PLEKHA8: variants seen among roughly 807,000 people sequenced by gnomAD.
PLEKHA8 encodes pleckstrin homology domain-containing family A member 8.
A neutral mutation model predicts 68.2 loss-of-function variants in PLEKHA8; 36 were observed. The observed-to-expected ratio is 0.53, with a 90% CI of 0.40 to 0.70. The LOEUF (loss-of-function observed/expected upper bound fraction) is 0.70, where lower values mean the gene tolerates loss of function less well. Among genes scored for constraint, PLEKHA8 ranks in the 30% least tolerant of loss-of-function variants. The pLI is 0.00. For missense variants in PLEKHA8, 505 were observed against 615.4 expected (o/e 0.82, Z 1.90); for synonymous variants, 211 against 216.1 (o/e 0.98, Z 0.20).
At chr7:30,055,573 AGG>A (rs1282289542) in intron 9 of PLEKHA8, among the ~76,000 whole-genome samples, 1 of 152,242 alleles carries the variant, frequency 6.6e-6, no homozygotes, top group Non-Finnish European at 1.5e-5. Context: ...GTAATTTAAA[AGG>A]GGGATCTTTC....
chr7:30,109,802 G>T (rs1445002711), intron 13 of PLEKHA8, among the ~76,000 whole-genome samples: 1 of 151,156 alleles, frequency 6.6e-6, no homozygotes, highest in Non-Finnish European at 1.5e-5. Flanking sequence ...CTTCCAAGTA[G>T]CTGGGACCAC....
downstream of PLEKHA8, among the ~76,000 whole-genome samples, chr7:30,092,404 C>T (rs1372965721): frequency 6.6e-6 from 1 of 152,048 alleles, no homozygotes; most frequent in Non-Finnish European, 1.5e-5. Flanking sequence ...CCCCACTTTG[C>T]ACTGTGTGTC....
In PLEKHA8 at chr7:30,046,340, T is replaced by TGAC. The variant is rs1791961944; in HGVS notation, c.289_291dup (p.Asp97dup). On this transcript the variant is annotated inframe_insertion, in exon 3 of 14. Coordinates refer to ENST00000449726, the MANE Select transcript of PLEKHA8 (RefSeq NM_001197026.2). ...TGGGATCAGCCAAGGCTTGCCTGAC[T>TGAC]GACAGTAGGACCCAGAAGGAGAAAG... The TGAC allele has an allele frequency of 3.1e-6, 5 of 1,611,990 alleles. No homozygotes were observed. Among genetic ancestry groups the TGAC allele is most frequent in the Non-Finnish European group, 2.5e-6 (3 of 1,178,992 alleles).
At chr7:30,087,633 A>G (rs572070909), downstream of PLEKHA8, among the ~76,000 whole-genome samples, 2 of 152,314 alleles carry the variant, frequency 1.3e-5, no homozygotes, top group East Asian at 3.9e-4. Context: ...AGTGCTGTGC[A>G]CAGCTATGCT....
In PLEKHA8 at chr7:30,082,257, G is replaced by A. The variant is rs1021616727; in HGVS notation, c.*3470G>A. 2 of 985,292 alleles carry A rather than the reference G, an allele frequency of 2.0e-6. No individual in the cohort carries two copies. The highest frequency in any genetic ancestry group is 2.4e-6 in the Non-Finnish European group (2 of 829,938). 61.0% of individuals were successfully genotyped at this position (985,292 alleles called of 1,614,324 possible). On this transcript the variant is annotated 3_prime_UTR_variant, in exon 14 of 14. Transcript: ENST00000449726. ...TTTCTGAACTCCATAGTCCAGCGTT[G>A]TTGCTTTTCTCTCTTCTTTGCTACT...
intron 1 of PLEKHA8, among the ~76,000 whole-genome samples, chr7:30,032,945 GC>G (rs1321779082): frequency 2.0e-5 from 3 of 152,208 alleles, no homozygotes; most frequent in Non-Finnish European, 4.4e-5. Flanking sequence ...ACAAAAGCCT[GC>G]ATCATACTGG....
chr7:30,067,562 G>A (rs1021201256), intron 12 of PLEKHA8, among the ~76,000 whole-genome samples: 5 of 152,196 alleles, frequency 3.3e-5, no homozygotes, highest in African/African-American at 4.8e-5. Flanking sequence ...AAGTGCCCAC[G>A]TGTCACTCCT....
At chr7:30,087,523 C>G (rs931712710), downstream of PLEKHA8, among the ~76,000 whole-genome samples, 11 of 152,162 alleles carry the variant, frequency 7.2e-5, no homozygotes, top group African/African-American at 2.4e-4. Flanking sequence ...CACCATTGTT[C>G]TAGTCTCTCA....
chr7:30,062,696 T>A lies in PLEKHA8; in HGVS notation c.1254T>A (p.Phe418Leu). 1.2e-6 allele frequency: 2 copies of A among 1,613,430 alleles called. No individual in the cohort carries two copies. Among genetic ancestry groups the A allele is most frequent in the Non-Finnish European group, 1.7e-6 (2 of 1,179,402 alleles). ...GAGGTCTCAAATTTTTGAAGGGATTTTTGACAGAAGTGAAAAATGGGGAGA... is the reference window on the plus strand; with the variant it reads ...GAGGTCTCAAATTTTTGAAGGGATTATTGACAGAAGTGAAAAATGGGGAGA... ...LKRGLKFLKG[F>L]LTEVKNGEKD... The change falls in exon 12 of 14, where the codon TTT becomes TTA. Residue 418 changes from phenylalanine (F) to leucine (L), a missense_variant. Coordinates refer to ENST00000449726, the MANE Select transcript of PLEKHA8 (RefSeq NM_001197026.2).
rs574800436 is a variant in PLEKHA8, at chr7:30,049,397, C to T, written c.597+15C>T. ...AGTCCAGCAAGGTAAAAGTCCAGCT[C>T]AGTTTGGCTGCAACAAGGCATCAAG... On this transcript the variant is annotated intron_variant, in intron 5 of 13. Coordinates refer to ENST00000449726, the MANE Select transcript of PLEKHA8 (RefSeq NM_001197026.2). The T allele has an allele frequency of 1.0e-4, 167 of 1,610,116 alleles. 1 individual carries two copies. The South Asian group carries it at 1.2e-3, about 11-fold the overall frequency.
chr7:30,095,508 C>T (rs533505405), downstream of PLEKHA8, among the ~76,000 whole-genome samples: 3,226 of 152,238 alleles, frequency 0.021, 47 homozygotes, highest in Non-Finnish European at 0.032. Flanking sequence ...TTCTTTGCTG[C>T]GCAGAAGCTC....
At chr7:30,067,068 T>A (rs1395955337) in intron 12 of PLEKHA8, among the ~76,000 whole-genome samples, 1 of 152,248 alleles carries the variant, frequency 6.6e-6, no homozygotes, top group East Asian at 1.9e-4. Context: ...GTCTTAACAG[T>A]GCCTGAAATT....
chr7:30,036,643 A>G (rs948167425), intron 1 of PLEKHA8, among the ~76,000 whole-genome samples: 6 of 152,194 alleles, frequency 3.9e-5, no homozygotes, highest in African/African-American at 4.8e-5. Context: ...CTCAAAGTGC[A>G]CAGGAGAGGT....
intron 13 of PLEKHA8, among the ~76,000 whole-genome samples, chr7:30,113,264 G>T (rs781682688): frequency 2.6e-5 from 4 of 152,090 alleles, no homozygotes; most frequent in Non-Finnish European, 4.4e-5. Flanking sequence ...TTCTGGAAGG[G>T]CCTATGAATG....
chr7:30,090,168 A>G (rs1236077372), exon 13 of PLEKHA8: 2 of 1,550,748 alleles, frequency 1.3e-6, no homozygotes, highest in Non-Finnish European at 1.7e-6. Flanking sequence ...CCAACAGAAA[A>G]CACTTGACAC....
chr7:30,082,697 C>T lies in PLEKHA8; in HGVS notation c.*3910C>T, dbSNP rs1795001052. 7 of 984,996 alleles carry T rather than the reference C, an allele frequency of 7.1e-6. No homozygotes were observed. The highest frequency in any genetic ancestry group is 1.7e-5 in the African/African-American group (1 of 57,282). The allele number at this position is 984,996 out of a possible 1,614,324, so 61.0% of individuals were successfully genotyped here. Reference sequence around the variant, plus strand: ...TGATAGGGACCAAATAAGTAAAGTACATTTTTCTCCACTAAATTTGAAGTG... The same window carrying T: ...TGATAGGGACCAAATAAGTAAAGTATATTTTTCTCCACTAAATTTGAAGTG... On this transcript the variant is annotated 3_prime_UTR_variant, in exon 14 of 14. Coordinates refer to ENST00000449726, the MANE Select transcript of PLEKHA8 (RefSeq NM_001197026.2).
chr7:30,119,226 T>C (rs929373136), intron 13 of PLEKHA8, among the ~76,000 whole-genome samples: 2 of 152,198 alleles, frequency 1.3e-5, no homozygotes, highest in Non-Finnish European at 1.5e-5. Flanking sequence ...TATTCCTAAT[T>C]TTAAGTGAAG....
chr7:30,059,132 C>T (rs900088910), intron 9 of PLEKHA8, among the ~76,000 whole-genome samples: 2 of 152,318 alleles, frequency 1.3e-5, no homozygotes, highest in East Asian at 1.9e-4. Context: ...AAAACAAAAG[C>T]ATTGAGTCTT....
At chr7:30,075,551 A>T (rs989735422) in intron 13 of PLEKHA8, among the ~76,000 whole-genome samples, 10 of 152,196 alleles carry the variant, frequency 6.6e-5, no homozygotes, top group African/African-American at 2.2e-4. Flanking sequence ...CCAAGGTGCT[A>T]GTGCTTACCT....
Sources: allele counts gnomAD v4.1 joint callset (sites outside exome capture counted in the v4.1 genomes callset), GRCh38; gene constraint gnomAD v4.1.1; transcripts MANE v1.5; gene names NCBI Gene and HGNC (gene_info 2026-07-23, HGNC 2026-07-21).